The following SNX13 variants were observed in gnomAD, a reference collection of about 807,000 sequenced individuals.
SNX13 encodes the protein sorting nexin 13.
In SNX13, 45 loss-of-function variants were observed where a neutral mutation model predicts 133.6. The observed-to-expected ratio is 0.34, with a 90% CI of 0.27 to 0.43. SNX13 has a LOEUF of 0.43. Among genes scored for constraint, SNX13 ranks in the 20% least tolerant of loss-of-function variants. The probability of loss-of-function intolerance (pLI) is 1.00; values close to 1 mark genes in which losing one functional copy is unlikely to be tolerated. For missense variants in SNX13, 1,032 were observed against 1,145.1 expected (o/e 0.90, Z 1.43); for synonymous variants, 414 against 373.9 (o/e 1.11, Z -1.24).
At chr7:17,825,547 G>A (rs1462794361) in intron 17 of SNX13, among the ~76,000 whole-genome samples, 3 of 152,110 alleles carry the variant, frequency 2.0e-5, no homozygotes, top group African/African-American at 7.2e-5. Flanking sequence ...CACATATGCT[G>A]AATGATCACA....
chr7:17,937,293 T>C (rs1390007047), intron 1 of SNX13, among the ~76,000 whole-genome samples: 1 of 152,118 alleles, frequency 6.6e-6, no homozygotes, highest in East Asian at 1.9e-4. Context: ...TTTAGCTTAA[T>C]ATAAAATGGT....
intron 1 of SNX13, among the ~76,000 whole-genome samples, chr7:17,931,241 G>A (rs1251186484): frequency 6.6e-6 from 1 of 152,156 alleles, no homozygotes; most frequent in Non-Finnish European, 1.5e-5. Context: ...GAAAAATTCT[G>A]AGAAAACAAG....
chr7:17,865,998 A>C (rs1047848602), intron 9 of SNX13, among the ~76,000 whole-genome samples: 1 of 152,226 alleles, frequency 6.6e-6, no homozygotes, highest in Non-Finnish European at 1.5e-5. Flanking sequence ...TTTAAAATGG[A>C]TTAAAGACTT....
At chr7:17,858,438 T>C (rs1193571626) in intron 9 of SNX13, among the ~76,000 whole-genome samples, 1 of 151,866 alleles carries the variant, frequency 6.6e-6, no homozygotes, top group Non-Finnish European at 1.5e-5. Flanking sequence ...ATTTTAAAAA[T>C]GTGAAAGATA....
chr7:17,875,860 GACT>G (rs1794673227), intron 5 of SNX13, 70 bp from the exon 6 acceptor site: 1 of 1,251,608 alleles, frequency 8.0e-7, no homozygotes, highest in East Asian at 2.5e-5. Flanking sequence ...TCATTTTAAT[GACT>G]ACTGACAAAC....
intron 1 of SNX13, among the ~76,000 whole-genome samples, chr7:17,913,122 A>G (rs953761573): frequency 6.6e-6 from 1 of 152,146 alleles, no homozygotes; most frequent in African/African-American, 2.4e-5. Context: ...TGGAGATCTA[A>G]CCCTTGGCAG....
In SNX13 at chr7:17,839,926, G is replaced by C. The variant is rs748246488; in HGVS notation, c.1240C>G (p.Gln414Glu). 1 of 1,611,854 alleles carries C rather than the reference G, an allele frequency of 6.2e-7. No individual in the cohort carries two copies. The highest frequency in any genetic ancestry group is 8.5e-7 in the Non-Finnish European group (1 of 1,178,694). The change falls in exon 13 of 26, where the codon CAA becomes GAA. Residue 414 changes from glutamine (Q) to glutamate (E), a missense_variant. By Grantham distance (29) the Gln-to-Glu change is conservative. Coordinates refer to ENST00000428135, the MANE Select transcript of SNX13 (RefSeq NM_015132.5). ...MTVEGYRVTAQQQLEVLLSRQ... is the reference protein window; with the variant it reads ...MTVEGYRVTAEQQLEVLLSRQ... ...CTTAATAAAACTTCTAGCTGCTGTTGGGCGGTAACCCGGTATCCTTCCACT... is the reference window on the plus strand; with the variant it reads ...CTTAATAAAACTTCTAGCTGCTGTTCGGCGGTAACCCGGTATCCTTCCACT...
At chr7:17,832,329 G>T (rs889813673) in intron 15 of SNX13, 21 of 984,358 alleles carry the variant, frequency 2.1e-5, no homozygotes, top group Non-Finnish European at 2.4e-5. Flanking sequence ...CCATTTAAAG[G>T]ACTGGAAGCA....
intron 17 of SNX13, among the ~76,000 whole-genome samples, chr7:17,824,839 G>A (rs999927640): frequency 6.7e-6 from 1 of 150,258 alleles, no homozygotes; most frequent in African/African-American, 2.5e-5. Context: ...GTGTGATCTC[G>A]GCTCATTGAA....
chr7:17,860,357 A>C (rs1792512412), intron 9 of SNX13, among the ~76,000 whole-genome samples: 1 of 152,092 alleles, frequency 6.6e-6, no homozygotes, highest in African/African-American at 2.4e-5. Context: ...GAGTAGTATG[A>C]GTTCTTTATA....
Position 17,931,020 on chromosome 7 carries a change from G to T in SNX13, c.12+9264C>A, listed in dbSNP as rs1041065950. 7.9e-5 allele frequency among the ~76,000 whole-genome samples: 12 copies of T among 152,144 alleles called. 1 individual carries two copies. The highest frequency in any genetic ancestry group is 2.9e-4 in the African/African-American group (12 of 41,430). ...TCTTCCACAAAACCGGTCCCTTGGT[G>T]CCAAAAAGGCTGGAGACTGTCATTG... On this transcript the variant is annotated intron_variant, in intron 1 of 25. Transcript: ENST00000428135.
chr7:17,824,521 G>GT (rs1554313863), intron 17 of SNX13, among the ~76,000 whole-genome samples: 2 of 151,442 alleles, frequency 1.3e-5, no homozygotes, highest in African/African-American at 4.8e-5. Flanking sequence ...TATGAGTTAT[G>GT]TATTATTATT....
chr7:17,846,486 A>G (rs1457120904), intron 11 of SNX13, among the ~76,000 whole-genome samples: 1 of 152,206 alleles, frequency 6.6e-6, no homozygotes, highest in Admixed American at 6.5e-5. Context: ...AATAAGAGCC[A>G]TGATGTTTCC....
intron 11 of SNX13, among the ~76,000 whole-genome samples, chr7:17,846,380 T>C (rs2128322007): frequency 2.0e-5 from 3 of 152,302 alleles, no homozygotes; most frequent in Middle Eastern, 6.8e-3. Context: ...CCACGTCTAC[T>C]TAACAGACAA....
Position 17,799,153 on chromosome 7 carries a change from A to C in SNX13, c.2300T>G (p.Val767Gly). The C allele has an allele frequency of 6.3e-7, 1 of 1,596,478 alleles. No homozygotes were observed. The highest frequency in any genetic ancestry group is 2.3e-5 in the East Asian group (1 of 44,386). The change falls in exon 23 of 26, where the codon GTG becomes GGG. Residue 767 changes from valine to glycine, a missense_variant and splice_region_variant. By Grantham distance (109) the Val-to-Gly change is moderately radical. Coordinates refer to ENST00000428135, the MANE Select transcript of SNX13 (RefSeq NM_015132.5). ...RRVSAQLDDN[V>G]DDNIPLRVML... Reference sequence around the variant, plus strand: ...TACCCTAAGTGGAATATTGTCATCCACCTGACAAAATATAAGAAATAAGAA... The same window carrying C: ...TACCCTAAGTGGAATATTGTCATCCCCCTGACAAAATATAAGAAATAAGAA...
chr7:17,873,474 AACT>A, intron 8 of SNX13, 51 bp downstream of exon 8: 3 of 1,276,182 alleles, frequency 2.4e-6, no homozygotes, highest in Non-Finnish European at 3.1e-6. Context: ...AAATTTTGAA[AACT>A]ACTGCTCTAC....
intron 1 of SNX13, among the ~76,000 whole-genome samples, chr7:17,921,356 T>C (rs1212865627): frequency 1.3e-5 from 2 of 152,122 alleles, no homozygotes; most frequent in Non-Finnish European, 2.9e-5. Flanking sequence ...CACTGTACTG[T>C]TCTTGCTTTT....
intron 1 of SNX13, among the ~76,000 whole-genome samples, chr7:17,908,956 G>A (rs1269803036): frequency 6.6e-6 from 1 of 152,090 alleles, no homozygotes; most frequent in Non-Finnish European, 1.5e-5. Context: ...ATAGCCAGGT[G>A]AAGAACAGAA....
chr7:17,798,980 G>C (rs1310233221), intron 23 of SNX13, 29 bp downstream of exon 23: 4 of 1,596,498 alleles, frequency 2.5e-6, no homozygotes, highest in Non-Finnish European at 3.4e-6. Flanking sequence ...AGTAAGATCA[G>C]ATTAAAAGCG....
Sources: allele counts gnomAD v4.1 joint callset (sites outside exome capture counted in the v4.1 genomes callset), GRCh38; gene constraint gnomAD v4.1.1; transcripts MANE v1.5; gene names NCBI Gene and HGNC (gene_info 2026-07-23, HGNC 2026-07-21).